The following ATP8B4 variants were observed in gnomAD, a reference collection of about 807,000 sequenced individuals.
The protein encoded by ATP8B4 is ATPase phospholipid transporting 8B4 (putative).
A neutral mutation model predicts 145.6 loss-of-function variants in ATP8B4; 133 were observed. The ratio of observed to expected loss-of-function variants is 0.91; its 90% CI spans 0.79 to 1.05. The LOEUF (loss-of-function observed/expected upper bound fraction) is 1.05. Ranked by LOEUF, ATP8B4 falls within the 50% of genes least tolerant of loss-of-function variation. ATP8B4 has a pLI of 0.00. For synonymous variants in ATP8B4, 507 were observed against 492.9 expected, an observed-to-expected ratio of 1.03 and a Z score of -0.38; for missense variants, 1,458 against 1,425.2, an observed-to-expected ratio of 1.02 and a Z score of -0.37.
intron 23 of ATP8B4, among the ~76,000 whole-genome samples, chr15:49,884,885 G>C (rs1351287133): frequency 2.0e-5 from 3 of 152,098 alleles, no homozygotes; most frequent in African/African-American, 7.2e-5. Context: ...GCATATGCCA[G>C]TTCTATGCCT....
At chr15:50,171,157 C>T (rs2044668689) in intron 1 of ATP8B4, among the ~76,000 whole-genome samples, 1 of 152,140 alleles carries the variant, frequency 6.6e-6, no homozygotes, top group Non-Finnish European at 1.5e-5. Flanking sequence ...GTCATCAAGA[C>T]AGAAAGTCAA....
chr15:50,044,761 T>C, intron 4 of ATP8B4, 69 bp from the exon 5 acceptor site: 1 of 1,121,590 alleles, frequency 8.9e-7, no homozygotes, highest in Non-Finnish European at 1.3e-6. Context: ...ACTGTGTCAT[T>C]TAATTTCAAA....
intron 6 of ATP8B4, among the ~76,000 whole-genome samples, chr15:50,029,245 A>AAAAAAC (rs2050245154): frequency 6.7e-6 from 1 of 149,314 alleles, no homozygotes; most frequent in African/African-American, 2.5e-5. Flanking sequence ...TCTTAAAAAA[A>AAAAAAC]AAAAAAAAAA....
intron 14 of ATP8B4, among the ~76,000 whole-genome samples, chr15:49,935,393 C>T (rs1208335088): frequency 6.6e-6 from 1 of 152,042 alleles, no homozygotes; most frequent in Admixed American, 6.6e-5. Flanking sequence ...AGCCAAAAAT[C>T]CATGCTTCAA....
intron 4 of ATP8B4, among the ~76,000 whole-genome samples, chr15:50,046,905 G>A (rs2051767658): frequency 6.6e-6 from 1 of 152,176 alleles, no homozygotes; most frequent in Non-Finnish European, 1.5e-5. Context: ...ATAACATATA[G>A]CATCATCACT....
Position 50,007,139 on chromosome 15 carries a change from C to A in ATP8B4, c.435+3706G>T, listed in dbSNP as rs567791396. ...AAAATAAATAAAAGGTAAGTAACTT[C>A]TGAATATGCCAGCTAATTGGCAATC... On this transcript the variant is annotated intron_variant, in intron 7 of 27. Transcript: ENST00000284509. Among the ~76,000 whole-genome samples, 8 of 152,272 alleles carry A rather than the reference C, an allele frequency of 5.3e-5. No homozygotes were observed. In the East Asian group the frequency reaches 1.5e-3, roughly 29 times the overall value.
At chr15:50,096,991 T>C (rs2056033038) in intron 2 of ATP8B4, among the ~76,000 whole-genome samples, 1 of 152,162 alleles carries the variant, frequency 6.6e-6, no homozygotes, top group Non-Finnish European at 1.5e-5. Flanking sequence ...CCTCATTCAA[T>C]CAAACTAAGA....
At chr15:49,863,152 G>C (rs1425075536) in intron 26 of ATP8B4, among the ~76,000 whole-genome samples, 1 of 152,076 alleles carries the variant, frequency 6.6e-6, no homozygotes, top group Non-Finnish European at 1.5e-5. Context: ...TTAATTTCAG[G>C]CAATGGCCCG....
At chr15:50,165,300 G>A (rs140092817) in intron 1 of ATP8B4, among the ~76,000 whole-genome samples, 3 of 152,044 alleles carry the variant, frequency 2.0e-5, no homozygotes, top group Admixed American at 6.5e-5. Context: ...TGATCTGCCC[G>A]CCTCAGCCTC....
In ATP8B4 at chr15:50,028,300, G is replaced by C. The variant is rs542871550; in HGVS notation, c.362+10468C>G. 5.3e-5 allele frequency among the ~76,000 whole-genome samples: 8 copies of C among 152,254 alleles called. No individual in the cohort carries two copies. The East Asian group carries it at 1.5e-3, about 29-fold the overall frequency. ...TATTGCACATCTGATTCTTGTCAAA[G>C]ATCAGTAAGCAGAGAGAATTAGAAC... On this transcript the variant is annotated intron_variant, in intron 6 of 27. Coordinates refer to ENST00000284509, the MANE Select transcript of ATP8B4 (RefSeq NM_024837.4).
intron 1 of ATP8B4, among the ~76,000 whole-genome samples, chr15:50,180,337 T>C (rs912996390): frequency 1.3e-5 from 2 of 152,088 alleles, no homozygotes; most frequent in East Asian, 3.9e-4. Flanking sequence ...AGAGGAGAAA[T>C]AGTGAAAGCA....
At chr15:49,954,421 C>T (rs2043374689) in intron 14 of ATP8B4, among the ~76,000 whole-genome samples, 1 of 152,110 alleles carries the variant, frequency 6.6e-6, no homozygotes, top group African/African-American at 2.4e-5. Flanking sequence ...AGAAAATACT[C>T]ACAAACTATG....
intron 2 of ATP8B4, among the ~76,000 whole-genome samples, chr15:50,076,845 A>C (rs2054210414): frequency 6.6e-6 from 1 of 152,168 alleles, no homozygotes; most frequent in Non-Finnish European, 1.5e-5. Context: ...AAATTGCTAC[A>C]GTTTTCTGTC....
intron 17 of ATP8B4, among the ~76,000 whole-genome samples, chr15:49,921,960 A>G (rs1359622932): frequency 6.6e-6 from 1 of 152,186 alleles, no homozygotes; most frequent in Non-Finnish European, 1.5e-5. Flanking sequence ...TTGCATCCCC[A>G]CTGGGCATTA....
At chr15:49,899,578 C>T (rs1161027529) in intron 21 of ATP8B4, among the ~76,000 whole-genome samples, 7 of 151,968 alleles carry the variant, frequency 4.6e-5, no homozygotes, top group Non-Finnish European at 7.4e-5. Context: ...CAAATATTAC[C>T]ACTCTTTCTG....
intron 23 of ATP8B4, among the ~76,000 whole-genome samples, chr15:49,892,964 G>A (rs1216261085): frequency 6.6e-6 from 1 of 152,154 alleles, no homozygotes; most frequent in Non-Finnish European, 1.5e-5. Context: ...CCACAAGCTG[G>A]TATTCACTAG....
At chr15:50,063,942 A>G (rs2053201537) in intron 3 of ATP8B4, among the ~76,000 whole-genome samples, 1 of 152,192 alleles carries the variant, frequency 6.6e-6, no homozygotes, top group Non-Finnish European at 1.5e-5. Flanking sequence ...ATTTGGCTCA[A>G]TTGATGGAAA....
chr15:49,962,163 A>T (rs867554468), intron 13 of ATP8B4, 143 bp from the exon 14 acceptor site: 4 of 614,046 alleles, frequency 6.5e-6, no homozygotes, highest in Middle Eastern at 8.8e-4. Context: ...TGGTTTTAGG[A>T]GTGCTTTCAA....
At chr15:50,131,411 G>A (rs919078668) in intron 1 of ATP8B4, among the ~76,000 whole-genome samples, 4 of 152,156 alleles carry the variant, frequency 2.6e-5, no homozygotes, top group African/African-American at 9.7e-5. Context: ...TGCAGAGCTA[G>A]AAAATGGCAG....
Sources: allele counts gnomAD v4.1 joint callset (sites outside exome capture counted in the v4.1 genomes callset), GRCh38; gene constraint gnomAD v4.1.1; transcripts MANE v1.5; gene names NCBI Gene and HGNC (gene_info 2026-07-23, HGNC 2026-07-21).